MRE11: variants seen among roughly 807,000 people sequenced by gnomAD.
MRE11 encodes double-strand break repair protein MRE11.
Under a neutral mutation model 91.7 loss-of-function variants are expected in MRE11, and 62 were observed. The observed-to-expected ratio is 0.68, with a 90% CI of 0.55 to 0.84. The LOEUF (loss-of-function observed/expected upper bound fraction) is 0.84. MRE11 is among the 40% of genes least tolerant of loss of function. The pLI, the probability that MRE11 is intolerant of heterozygous loss-of-function variation, is 0.00. For synonymous variants in MRE11, 273 were observed against 271.4 expected (o/e 1.01, Z -0.06); for missense variants, 796 against 852.9 (o/e 0.93, Z 0.83).
intron 14 of MRE11, among the ~76,000 whole-genome samples, chr11:94,452,079 G>A (rs543941979): frequency 1.2e-4 from 18 of 151,342 alleles, no homozygotes; most frequent in Admixed American, 2.0e-4. Flanking sequence ...GGTAGCGCGC[G>A]CTAGCTACTC....
chr11:94,485,784 G>T, intron 4 of MRE11, 140 bp downstream of exon 4: 2 of 788,488 alleles, frequency 2.5e-6, no homozygotes, highest in Non-Finnish European at 4.1e-6. Context: ...TTAATACAAT[G>T]ATGTACAAAA....
chr11:94,467,958 GC>G (rs1329038699), intron 9 of MRE11, 65 bp from the exon 10 acceptor site: 1 of 1,250,028 alleles, frequency 8.0e-7, no homozygotes, highest in East Asian at 2.3e-5. Flanking sequence ...CTGAATAGCA[GC>G]TTATTACCAC....
chr11:94,456,039 G>T (rs1166181205), intron 14 of MRE11, among the ~76,000 whole-genome samples: 1 of 152,122 alleles, frequency 6.6e-6, no homozygotes, highest in Non-Finnish European at 1.5e-5. Context: ...CAAGACTACA[G>T]GTGTGAGTCA....
chr11:94,468,322 G>A (rs13447635), intron 9 of MRE11, among the ~76,000 whole-genome samples: 7,031 of 152,220 alleles, frequency 0.046, 408 homozygotes, highest in African/African-American at 0.13. Flanking sequence ...TAAGACTGAT[G>A]TTTTCAAATA....
intron 10 of MRE11, chr11:94,466,359 G>A (rs1946562403): frequency 2.9e-6 from 1 of 349,006 alleles, no homozygotes; most frequent in South Asian, 2.2e-5. Context: ...AGTCCTGGTA[G>A]GAGGCTGCAG....
chr11:94,469,556 T>C lies in MRE11; in HGVS notation c.1017+915A>G, dbSNP rs116198055. Among the ~76,000 whole-genome samples, 446 of 152,246 alleles carry C rather than the reference T, an allele frequency of 2.9e-3. 2 individuals carry two copies. The highest frequency in any genetic ancestry group is 9.0e-3 in the African/African-American group (374 of 41,544). ...AGGGATGCCAGAATCTTAATCTATG[T>C]TTGAGTTTCTAGAGTCAATCATCTT... On this transcript the variant is annotated intron_variant, in intron 9 of 19. Coordinates refer to ENST00000323929, the MANE Select transcript of MRE11 (RefSeq NM_005591.4).
At position 94,429,564 on chromosome 11, in the gene MRE11, A is replaced by G. The variant is rs528309686; in HGVS notation, c.2070+347T>C. 3.9e-5 allele frequency among the ~76,000 whole-genome samples: 6 copies of G among 152,342 alleles called. No homozygotes were observed. In the East Asian group the frequency reaches 5.8e-4, roughly 15 times the overall value. ...CACTATCCTAAGCAAATTAACAGGA[A>G]CAGAAAACCAAATACCACATGTCCT... On this transcript the variant is annotated intron_variant, in intron 19 of 19. Coordinates refer to ENST00000323929, the MANE Select transcript of MRE11 (RefSeq NM_005591.4).
the MRE11 span, among the ~76,000 whole-genome samples, chr11:94,509,526 T>A: frequency 4.6e-5 from 7 of 152,160 alleles, no homozygotes; most frequent in Admixed American, 1.3e-4. Flanking sequence ...CACTGCAACC[T>A]CTACCTCCCG....
At chr11:94,459,073 A>G (rs1038817014) in intron 13 of MRE11, among the ~76,000 whole-genome samples, 3 of 152,214 alleles carry the variant, frequency 2.0e-5, no homozygotes, top group African/African-American at 7.2e-5. Flanking sequence ...TTTCTAAATG[A>G]AATTCAAGAT....
chr11:94,435,281 G>A (rs1371806095), intron 18 of MRE11, among the ~76,000 whole-genome samples: 9 of 152,298 alleles, frequency 5.9e-5, no homozygotes, highest in Admixed American at 1.3e-4. Flanking sequence ...GAGGCCAAGC[G>A]CACTGGCTCA....
chr11:94,472,348 T>C (rs746185183), intron 7 of MRE11, among the ~76,000 whole-genome samples: 3 of 152,106 alleles, frequency 2.0e-5, no homozygotes, highest in Non-Finnish European at 4.4e-5. Context: ...CAAGAAGGAA[T>C]AGTTTTCCCT....
chr11:94,460,824 T>C (rs1011327072), intron 12 of MRE11, 112 bp downstream of exon 12: 45 of 903,184 alleles, frequency 5.0e-5, no homozygotes, highest in African/African-American at 1.5e-4. Context: ...ACTTACTTCA[T>C]AGAAACATTT....
In MRE11 at chr11:94,447,250, T is replaced by G; in HGVS notation, c.1752A>C (p.Ser584=). The change falls in exon 15 of 20, where the codon TCA becomes TCC. Residue 584 remains serine (S), a synonymous_variant. Transcript: ENST00000323929. The part of the protein sequence containing the change: ...RGRRGGRGQN[S]ASRGGSQRGR... ...CTCTTTGAGACCCTCCTCTCGATGC[T>G]GAATTCTGCCCTCTTCCACCTCTTC... The G allele has an allele frequency of 6.2e-7, 1 of 1,613,898 alleles. No individual in the cohort carries two copies. Among genetic ancestry groups the G allele is most frequent in the Non-Finnish European group, 8.5e-7 (1 of 1,180,022 alleles).
chr11:94,484,819 A>G (rs1947096629), intron 4 of MRE11, among the ~76,000 whole-genome samples: 1 of 152,248 alleles, frequency 6.6e-6, no homozygotes, highest in Admixed American at 6.5e-5. Context: ...TATAAGTATC[A>G]GGGTCATGAA....
At chr11:94,421,454 G>T (rs1460185146) in intron 19 of MRE11, among the ~76,000 whole-genome samples, 1 of 152,198 alleles carries the variant, frequency 6.6e-6, no homozygotes, top group Non-Finnish European at 1.5e-5. Context: ...AAATCCAAAT[G>T]AAGTCTAATA....
At chr11:94,509,589 C>T in the MRE11 span, among the ~76,000 whole-genome samples, 7 of 152,006 alleles carry the variant, frequency 4.6e-5, no homozygotes, top group Non-Finnish European at 1.0e-4. Context: ...ACTACAGGCA[C>T]GTACCACCAC....
chr11:94,422,322 T>A (rs1945191810), intron 19 of MRE11, among the ~76,000 whole-genome samples: 1 of 152,162 alleles, frequency 6.6e-6, no homozygotes, highest in African/African-American at 2.4e-5. Context: ...GCAGACGCGA[T>A]CTGGAACTGG....
At chr11:94,509,185 C>T in the MRE11 span, among the ~76,000 whole-genome samples, 37 of 152,246 alleles carry the variant, frequency 2.4e-4, no homozygotes, top group African/African-American at 8.2e-4. Context: ...TACTGTAATA[C>T]ATTTCTGCAT....
At chr11:94,444,813 A>C (rs1364379945) in intron 16 of MRE11, among the ~76,000 whole-genome samples, 1 of 151,486 alleles carries the variant, frequency 6.6e-6, no homozygotes, top group East Asian at 1.9e-4. Context: ...TAAGATTATA[A>C]ATATTACAAT....
Sources: allele counts gnomAD v4.1 joint callset (sites outside exome capture counted in the v4.1 genomes callset), GRCh38; gene constraint gnomAD v4.1.1; transcripts MANE v1.5; gene names NCBI Gene and HGNC (gene_info 2026-07-23, HGNC 2026-07-21).